The following SUPT3H variants were observed in gnomAD, a reference collection of about 807,000 sequenced individuals.
The protein encoded by SUPT3H is transcription initiation protein SPT3 homolog.
In SUPT3H, 44 loss-of-function variants were observed where a neutral mutation model predicts 44.3. The ratio of observed to expected loss-of-function variants is 0.99; its 90% CI spans 0.78 to 1.28. SUPT3H has a LOEUF of 1.28. Ranked by LOEUF, SUPT3H falls within the 50% of genes most tolerant of loss-of-function variation. The pLI, the probability that SUPT3H is intolerant of heterozygous loss-of-function variation, is 0.00. For synonymous variants in SUPT3H, 124 were observed against 125.6 expected (o/e 0.99, Z 0.09); for missense variants, 380 against 387.1 (o/e 0.98, Z 0.15).
intron 3 of SUPT3H, among the ~76,000 whole-genome samples, chr6:45,060,975 G>C (rs1387680411): frequency 6.6e-6 from 1 of 152,144 alleles, no homozygotes; most frequent in Non-Finnish European, 1.5e-5. Context: ...TGGAGAAATA[G>C]GAACGCTTTA....
At chr6:45,342,315 G>A (rs886923026) in intron 2 of SUPT3H, among the ~76,000 whole-genome samples, 37 of 152,012 alleles carry the variant, frequency 2.4e-4, no homozygotes, top group Admixed American at 1.7e-3. Context: ...AGGCTGGAGT[G>A]CAGTGGCACA....
At chr6:44,919,713 C>A (rs1459740432) in intron 10 of SUPT3H, among the ~76,000 whole-genome samples, 1 of 152,106 alleles carries the variant, frequency 6.6e-6, no homozygotes, top group Non-Finnish European at 1.5e-5. Context: ...TTCTATACGG[C>A]AAATATATCT....
intron 10 of SUPT3H, among the ~76,000 whole-genome samples, chr6:44,918,755 T>C (rs1464479191): frequency 1.3e-5 from 2 of 152,142 alleles, no homozygotes; most frequent in African/African-American, 2.4e-5. Flanking sequence ...TAAGATCATT[T>C]ATAAAATTTT....
At chr6:45,020,087 C>G (rs1784897487) in intron 4 of SUPT3H, among the ~76,000 whole-genome samples, 1 of 151,814 alleles carries the variant, frequency 6.6e-6, no homozygotes, top group African/African-American at 2.4e-5. Flanking sequence ...GAAAATTAAT[C>G]TTTATTAATT....
chr6:44,981,807 A>G (rs190613361), intron 6 of SUPT3H, among the ~76,000 whole-genome samples: 4 of 150,106 alleles, frequency 2.7e-5, no homozygotes, highest in Non-Finnish European at 5.9e-5. Flanking sequence ...TTGGCTGGGC[A>G]TGGTAGCTCA....
At chr6:45,112,647 C>G (rs1016815252) in intron 2 of SUPT3H, among the ~76,000 whole-genome samples, 37 of 151,950 alleles carry the variant, frequency 2.4e-4, no homozygotes, top group African/African-American at 8.9e-4. Context: ...AAGTTTCTAA[C>G]AGAGGGGAAG....
chr6:44,946,453 C>G (rs1330506632), intron 9 of SUPT3H, among the ~76,000 whole-genome samples: 1 of 152,184 alleles, frequency 6.6e-6, no homozygotes, highest in Non-Finnish European at 1.5e-5. Flanking sequence ...TTAAGAACAT[C>G]TGTGATTCAC....
intron 10 of SUPT3H, among the ~76,000 whole-genome samples, chr6:44,876,878 T>C (rs1286566407): frequency 6.7e-6 from 1 of 148,614 alleles, no homozygotes; most frequent in Non-Finnish European, 1.5e-5. Flanking sequence ...TGTATGACAT[T>C]GTATGAAAAT....
At chr6:44,919,502 C>A (rs1240915911) in intron 10 of SUPT3H, among the ~76,000 whole-genome samples, 1 of 150,748 alleles carries the variant, frequency 6.6e-6, no homozygotes, top group Non-Finnish European at 1.5e-5. Context: ...CTGCTTTGAG[C>A]TACCCCCACC....
chr6:44,941,070 T>C (rs977595228), intron 9 of SUPT3H, among the ~76,000 whole-genome samples: 1 of 152,166 alleles, frequency 6.6e-6, no homozygotes, highest in Non-Finnish European at 1.5e-5. Context: ...TCATGGTTAA[T>C]ATTGATAAGT....
chr6:44,886,718 A>T (rs1426664953), intron 10 of SUPT3H, among the ~76,000 whole-genome samples: 1 of 152,158 alleles, frequency 6.6e-6, no homozygotes, highest in African/African-American at 2.4e-5. Flanking sequence ...ACTAACGAGC[A>T]AAATCACCAG....
At chr6:45,119,075 G>A (rs1333425219) in intron 2 of SUPT3H, among the ~76,000 whole-genome samples, 1 of 152,104 alleles carries the variant, frequency 6.6e-6, no homozygotes, top group Non-Finnish European at 1.5e-5. Flanking sequence ...AGCTGAGATT[G>A]GTGGGGTTGT....
At chr6:45,321,861 T>C in intron 2 of SUPT3H, 1 of 1,594,984 alleles carries the variant, frequency 6.3e-7, no homozygotes, top group Non-Finnish European at 8.6e-7. Flanking sequence ...ATTTTCCAAT[T>C]ATTTCTATAG....
Position 45,075,023 on chromosome 6 carries a change from G to T in SUPT3H, c.186+30899C>A, listed in dbSNP as rs1268555867. 2.6e-5 allele frequency among the ~76,000 whole-genome samples: 4 copies of T among 152,098 alleles called. No individual in the cohort carries two copies. In the East Asian group the frequency reaches 7.7e-4, roughly 29 times the overall value. Reference sequence around the variant, plus strand: ...TTAAGCGTTCTAACACAAATACTGTGACTGAAGTAGACCATTCTTTAAATC... The same window carrying T: ...TTAAGCGTTCTAACACAAATACTGTTACTGAAGTAGACCATTCTTTAAATC... On this transcript the variant is annotated intron_variant, in intron 3 of 10. Transcript: ENST00000371459.
intron 2 of SUPT3H, among the ~76,000 whole-genome samples, chr6:45,347,136 A>C (rs1451708967): frequency 6.6e-6 from 1 of 152,192 alleles, no homozygotes; most frequent in African/African-American, 2.4e-5. Context: ...GCTAAGACTA[A>C]AGAATTATTT....
intron 3 of SUPT3H, among the ~76,000 whole-genome samples, chr6:45,041,838 C>T (rs1788579386): frequency 6.6e-6 from 1 of 152,050 alleles, no homozygotes. Context: ...GTTCCAATGT[C>T]CTCATTTCAA....
chr6:45,197,231 GAACA>G (rs1432629364), intron 2 of SUPT3H, among the ~76,000 whole-genome samples: 2 of 151,416 alleles, frequency 1.3e-5, no homozygotes, highest in Non-Finnish European at 3.0e-5. Context: ...AACACTGAAT[GAACA>G]AATAATCAAG....
At chr6:45,168,696 GC>G (rs1162122169) in intron 2 of SUPT3H, among the ~76,000 whole-genome samples, 4 of 152,160 alleles carry the variant, frequency 2.6e-5, no homozygotes, top group African/African-American at 9.7e-5. Context: ...GTAAATCTGG[GC>G]CAGAGAAAGT....
chr6:44,933,886 G>A (rs958615650), intron 9 of SUPT3H, among the ~76,000 whole-genome samples: 4 of 152,208 alleles, frequency 2.6e-5, no homozygotes, highest in African/African-American at 9.7e-5. Flanking sequence ...GGGCTGAAGT[G>A]ATCCTCCTGA....
Sources: allele counts gnomAD v4.1 joint callset (sites outside exome capture counted in the v4.1 genomes callset), GRCh38; gene constraint gnomAD v4.1.1; transcripts MANE v1.5; gene names NCBI Gene and HGNC (gene_info 2026-07-23, HGNC 2026-07-21).